The following FBXO41 variants were observed in gnomAD, a reference collection of about 807,000 sequenced individuals.
FBXO41 encodes the protein F-box only protein 41.
FBXO41 carries 33 observed loss-of-function variants against 81.6 expected under a neutral mutation model. The ratio of observed to expected loss-of-function variants is 0.40; its 90% CI spans 0.31 to 0.54. FBXO41 has a LOEUF of 0.54. Ranked by LOEUF, FBXO41 falls within the 20% of genes least tolerant of loss-of-function variation. The probability of loss-of-function intolerance (pLI) is 0.39; values close to 1 mark genes in which losing one functional copy is unlikely to be tolerated. For missense variants in FBXO41, 1,107 were observed against 1,236.0 expected (o/e 0.90, Z 1.56); for synonymous variants, 576 against 552.7 (o/e 1.04, Z -0.59).
At chr2:73,274,027 G>A (rs1440620838) in intron 1 of FBXO41, among the ~76,000 whole-genome samples, 2 of 152,064 alleles carry the variant, frequency 1.3e-5, no homozygotes, top group Non-Finnish European at 2.9e-5. Context: ...CTCATGCTTT[G>A]TACTCTTCCA....
At chr2:73,261,511 A>C (rs1030219411) in intron 9 of FBXO41, among the ~76,000 whole-genome samples, 4 of 152,166 alleles carry the variant, frequency 2.6e-5, no homozygotes, top group African/African-American at 9.7e-5. Flanking sequence ...TCAAGTCAAC[A>C]ACAACTGAGC....
chr2:73,270,785 C>T (rs1456314080), intron 1 of FBXO41: 1 of 533,868 alleles, frequency 1.9e-6, no homozygotes, highest in African/African-American at 1.9e-5. Context: ...TCTTGTCACT[C>T]TTCTCCTACC....
At chr2:73,283,557 G>A (rs115459172) in intron 1 of FBXO41, among the ~76,000 whole-genome samples, 138 of 152,322 alleles carry the variant, frequency 9.1e-4, no homozygotes, top group Non-Finnish European at 1.6e-3. Flanking sequence ...ACTGTGGGCA[G>A]TGCACACAGG....
At chr2:73,276,008 A>C (rs1300414151) in intron 1 of FBXO41, among the ~76,000 whole-genome samples, 78 of 148,798 alleles carry the variant, frequency 5.2e-4, no homozygotes, top group Non-Finnish European at 8.9e-5. Context: ...CTGGTCTTGA[A>C]CTCTTGACCT....
chr2:73,264,062 G>T lies in FBXO41; in HGVS notation c.1807-9C>A. On this transcript the variant is annotated splice_polypyrimidine_tract_variant and intron_variant, in intron 6 of 12. Transcript: ENST00000520530. ...GCCAGCATTGCCAGGAACTGTGGGG[G>T]AGGGGAAGGACATTTGGAGATGAAG... 1 of 1,580,254 alleles carries T rather than the reference G, an allele frequency of 6.3e-7. No homozygotes were observed. Among genetic ancestry groups the T allele is most frequent in the Non-Finnish European group, 8.6e-7 (1 of 1,162,596 alleles).
At chr2:73,272,027 T>G (rs2103897277) in intron 1 of FBXO41, among the ~76,000 whole-genome samples, 1 of 152,304 alleles carries the variant, frequency 6.6e-6, no homozygotes, top group Middle Eastern at 3.4e-3. Context: ...AGATGGAAAT[T>G]TTTAATAGAT....
chr2:73,269,089 G>T lies in FBXO41; in HGVS notation c.542C>A (p.Pro181His). ...CGCGGGCGAAGCGGAGGCAGGCCCG[G>T]GGCAAGGGCCGGGGCCGGGGCCAGG... ...PPPGPGPGPC[P>H]GPASASPASP... The change falls in exon 2 of 13, where the codon CCC becomes CAC. Residue 181 changes from proline to histidine, a missense_variant. Pro to His is a moderately conservative substitution (Grantham distance 77). Around this residue, in one of 2 missense-constraint regions of FBXO41, gnomAD observed 771 missense variants for 789.2 expected, o/e 0.98. Coordinates refer to ENST00000520530, the MANE Select transcript of FBXO41 (RefSeq NM_001371389.2). The surrounding 1 kb of genome is among the most constrained non-coding windows in gnomAD (Gnocchi z 7.0). The T allele has an allele frequency of 6.6e-7, 1 of 1,507,528 alleles. No individual in the cohort carries two copies. Among genetic ancestry groups the T allele is most frequent in the Non-Finnish European group, 8.8e-7 (1 of 1,135,690 alleles). 93.4% of individuals were successfully genotyped at this position (1,507,528 alleles called of 1,614,324 possible).
chr2:73,257,975 CCCT>C lies in FBXO41; in HGVS notation c.*1004_*1006del, dbSNP rs1349131684. 1.3e-5 allele frequency: 2 copies of C among 152,384 alleles called. No homozygotes were observed. Among genetic ancestry groups the C allele is most frequent in the African/African-American group, 4.8e-5 (2 of 41,456 alleles). 9.4% of individuals were successfully genotyped at this position (152,384 alleles called of 1,614,324 possible). On this transcript the variant is annotated 3_prime_UTR_variant, in exon 13 of 13. Coordinates refer to ENST00000520530, the MANE Select transcript of FBXO41 (RefSeq NM_001371389.2). The surrounding 1 kb of genome is among the most constrained non-coding windows in gnomAD (Gnocchi z 4.6). ...TTAGACAAGGAAGCAAAGCAAGCCACCCTCCTCCTGGCTTCCTCCACGGCCTCA... is the reference window on the plus strand; with the variant it reads ...TTAGACAAGGAAGCAAAGCAAGCCACCCTCCTGGCTTCCTCCACGGCCTCA...
chr2:73,279,109 G>A (rs965874315), intron 1 of FBXO41, among the ~76,000 whole-genome samples: 3 of 152,202 alleles, frequency 2.0e-5, no homozygotes, highest in African/African-American at 7.2e-5. Context: ...ATGGATATGG[G>A]AGCAATTAAG....
chr2:73,273,128 G>A (rs1460798591), intron 1 of FBXO41: 1 of 152,090 alleles, frequency 6.6e-6, no homozygotes, highest in Admixed American at 6.6e-5. Flanking sequence ...TTGTAGTTGG[G>A]CCTTAAATGG....
At chr2:73,263,908 C>T (rs1688121572) in intron 7 of FBXO41, 30 bp downstream of exon 7, 2 of 1,613,206 alleles carry the variant, frequency 1.2e-6, no homozygotes, top group African/African-American at 2.7e-5. Flanking sequence ...GGCCCAACAG[C>T]ACCCACCACC....
Position 73,259,023 on chromosome 2 carries a change from A to G in FBXO41, c.2587T>C (p.Phe863Leu). 1.9e-6 allele frequency: 3 copies of G among 1,599,280 alleles called. No individual in the cohort carries two copies. The highest frequency in any genetic ancestry group is 2.6e-6 in the Non-Finnish European group (3 of 1,173,018). The change falls in exon 13 of 13, where the codon TTC (phenylalanine) becomes CTC (leucine). Residue 863 changes from phenylalanine (F) to leucine (L), a missense_variant. By Grantham distance (22) the Phe-to-Leu change is conservative. This residue lies in a region of FBXO41 where 336 missense variants were observed against 446.7 expected (regional missense o/e 0.75). Transcript: ENST00000520530. The surrounding 1 kb of genome is among the most constrained non-coding windows in gnomAD (Gnocchi z 4.2). ...ACCTTGATGTGCAGAATCTTAGAGA[A>G]GCCGGGCCTCCGTCGCAGAGCCTGC... ...KLQALRRRPG[F>L]SKILHIKVEG...
At chr2:73,270,679 A>T in intron 1 of FBXO41, 1 of 422,138 alleles carries the variant, frequency 2.4e-6, no homozygotes. Context: ...CATCCTCCCC[A>T]CACCCCTTTT....
At position 73,269,183 on chromosome 2, in the gene FBXO41, T is replaced by C. The variant is rs1465459160; in HGVS notation, c.448A>G (p.Ile150Val). 8 of 1,527,860 alleles carry C rather than the reference T, an allele frequency of 5.2e-6. No homozygotes were observed. The East Asian group carries it at 2.1e-4, about 39-fold the overall frequency. 94.6% of individuals were successfully genotyped at this position (1,527,860 alleles called of 1,614,324 possible). ...AAAARYALRE[I>V]EIPLGELFAR... is the part of the protein sequence containing the mutation. The stretch of plus-strand genomic sequence containing the variant: ...AACAGCTCCCCCAGCGGGATCTCGA[T>C]CTCGCGCAGCGCATAGCGCGCTGCT... Residue 150 changes from isoleucine (I) to valine (V), a missense_variant, in exon 2 of 13, where the codon ATC becomes GTC. This residue lies in a region of FBXO41 where 771 missense variants were observed against 789.2 expected (regional missense o/e 0.98). Transcript: ENST00000520530. The surrounding 1 kb of genome is among the most constrained non-coding windows in gnomAD (Gnocchi z 7.0).
Position 73,268,864 on chromosome 2 carries a change from G to A in FBXO41, c.767C>T (p.Ala256Val), listed in dbSNP as rs572460859. The change falls in exon 2 of 13, where the codon GCG becomes GTG. Residue 256 changes from alanine to valine, a missense_variant. Ala to Val is a moderately conservative substitution (Grantham distance 64). Coordinates refer to ENST00000520530, the MANE Select transcript of FBXO41 (RefSeq NM_001371389.2). ...CTCCTCCTTCTCGCGCCCGAGCCTC[G>A]CACTCTCCTGCCGCGCAGTCTCCAG... ...AELETARQES[A>V]RLGREKEELE... The A allele has an allele frequency of 2.7e-5, 42 of 1,563,898 alleles. No homozygotes were observed. Among genetic ancestry groups the A allele is most frequent in the Non-Finnish European group, 7.8e-6 (9 of 1,156,608 alleles).
intron 9 of FBXO41, among the ~76,000 whole-genome samples, chr2:73,261,389 C>T (rs1331235346): frequency 6.6e-6 from 1 of 152,138 alleles, no homozygotes; most frequent in African/African-American, 2.4e-5. Flanking sequence ...GTTCAGACCA[C>T]CATTGGCATT....
chr2:73,256,627 C>G lies in FBXO41; in HGVS notation c.*2355G>C, dbSNP rs762363455. The G allele has an allele frequency of 1.3e-5, 2 of 152,326 alleles. No homozygotes were observed. The highest frequency in any genetic ancestry group is 2.9e-5 in the Non-Finnish European group (2 of 68,134). The allele number at this position is 152,326 out of a possible 1,614,324, so 9.4% of individuals were successfully genotyped here. ...GGGCTTTCCTGGAAATAGCCAAACC[C>G]ATGGGAAGTGGACGTCCCCCCAGGC... On this transcript the variant is annotated 3_prime_UTR_variant, in exon 13 of 13. Transcript: ENST00000520530.
At position 73,268,729 on chromosome 2, in the gene FBXO41, T is replaced by C; in HGVS notation, c.902A>G (p.Gln301Arg). The C allele has an allele frequency of 6.5e-7, 1 of 1,537,320 alleles. No individual in the cohort carries two copies. Residue 301 changes from glutamine to arginine, a missense_variant, in exon 2 of 13, where the codon CAG becomes CGG. Physicochemically the swap from Gln to Arg is conservative, Grantham distance 43. Transcript: ENST00000520530. ...VHKEQELSRKQQEVVQIDQFL... is the reference protein window; with the variant it reads ...VHKEQELSRKRQEVVQIDQFL... ...AGGGCCCCGAGGGTCTACTCACTGC[T>C]GCTTGCGGCTCAGCTCCTGTTCCTT...
chr2:73,265,745 T>C (rs977971339), intron 4 of FBXO41, 105 bp from the exon 5 acceptor site: 60 of 1,431,308 alleles, frequency 4.2e-5, no homozygotes, highest in Non-Finnish European at 5.3e-5. Flanking sequence ...CCGCCCTGCT[T>C]TCCAAAAGCC....
Sources: allele counts gnomAD v4.1 joint callset (sites outside exome capture counted in the v4.1 genomes callset), GRCh38; gene constraint gnomAD v4.1.1; regional missense constraint gnomAD v4.1.1; non-coding constraint Gnocchi (gnomAD v3.1); transcripts MANE v1.5; gene names NCBI Gene and HGNC (gene_info 2026-07-23, HGNC 2026-07-21).